AKR1C3: variants seen among roughly 807,000 people sequenced by gnomAD.
The protein encoded by AKR1C3 is 3-alpha hydroxysteroid dehydrogenase, type II.
In AKR1C3, 48 loss-of-function variants were observed where a neutral mutation model predicts 43.6. That is an observed-to-expected ratio of 1.10 (90% CI 0.87 to 1.40). The LOEUF is 1.40. Among genes scored for constraint, AKR1C3 ranks in the 40% most tolerant of loss-of-function variants. The probability of loss-of-function intolerance (pLI) is 0.00; values close to 1 mark genes in which losing one functional copy is unlikely to be tolerated. For missense variants in AKR1C3, 482 were observed against 391.2 expected (o/e 1.23, Z -1.96); for synonymous variants, 162 against 139.6 (o/e 1.16, Z -1.13).
At chr10:5,074,349 A>G (rs1554781608) in intron 1 of AKR1C3, among the ~76,000 whole-genome samples, 1 of 152,212 alleles carries the variant, frequency 6.6e-6, no homozygotes, top group Non-Finnish European at 1.5e-5. Flanking sequence ...ACTCTAAAAG[A>G]AAGTATTTTG....
intron 1 of AKR1C3, among the ~76,000 whole-genome samples, chr10:5,094,803 A>C (rs1839171522): frequency 6.6e-6 from 1 of 152,182 alleles, no homozygotes. Flanking sequence ...TCAGTATTGA[A>C]GAACACTGTT....
At chr10:5,074,927 C>T (rs1041674124) in intron 1 of AKR1C3, among the ~76,000 whole-genome samples, 1 of 152,148 alleles carries the variant, frequency 6.6e-6, no homozygotes, top group Non-Finnish European at 1.5e-5. Context: ...TTTTCCTCTG[C>T]CCCCTGTTGT....
In AKR1C3 at chr10:5,106,982, A is replaced by T. The variant is rs1839519195; in HGVS notation, c.930-479A>T. On this transcript the variant is annotated intron_variant, in intron 8 of 8. Coordinates refer to ENST00000380554, the MANE Select transcript of AKR1C3 (RefSeq NM_003739.6). Reference sequence around the variant, plus strand: ...GCATGAGTAATTCTTATCATCCATTAAAAATGTAATAAGTTGGTGTTTATC... The same window carrying T: ...GCATGAGTAATTCTTATCATCCATTTAAAATGTAATAAGTTGGTGTTTATC... Among the ~76,000 whole-genome samples, 3 of 152,196 alleles carry T rather than the reference A, an allele frequency of 2.0e-5. No homozygotes were observed. In the South Asian group the frequency reaches 6.2e-4, roughly 31 times the overall value.
At chr10:5,072,562 G>C (rs1294418020) in intron 1 of AKR1C3, among the ~76,000 whole-genome samples, 1 of 152,108 alleles carries the variant, frequency 6.6e-6, no homozygotes, top group African/African-American at 2.4e-5. Context: ...TTGTGTTAAG[G>C]GTAAGAGAGA....
chr10:5,099,023 G>C, intron 4 of AKR1C3, 144 bp downstream of exon 4: 1 of 856,112 alleles, frequency 1.2e-6, no homozygotes. Flanking sequence ...GAGATGAAGG[G>C]AAAAACACAA....
chr10:5,062,916 G>C (rs1838411457), intron 1 of AKR1C3, among the ~76,000 whole-genome samples: 1 of 151,108 alleles, frequency 6.6e-6, no homozygotes, highest in Non-Finnish European at 1.5e-5. Context: ...CTCAACACTT[G>C]GTTTTTAGGA....
chr10:5,055,603 A>G (rs1410230812), intron 1 of AKR1C3, among the ~76,000 whole-genome samples: 1 of 152,202 alleles, frequency 6.6e-6, no homozygotes, highest in Non-Finnish European at 1.5e-5. Flanking sequence ...TTCCTTACTT[A>G]GGTACGCCAC....
intron 7 of AKR1C3, among the ~76,000 whole-genome samples, chr10:5,103,295 T>A (rs1839405508): frequency 6.6e-6 from 1 of 151,848 alleles, no homozygotes; most frequent in African/African-American, 2.4e-5. Flanking sequence ...AAATTTCACA[T>A]ATTTATTCAC....
At position 5,094,646 on chromosome 10, in the gene AKR1C3, G is replaced by C. The variant is rs771453326; in HGVS notation, c.84+118G>C. The C allele has an allele frequency of 2.7e-4, 301 of 1,123,636 alleles. 2 individuals are homozygous for C. The highest frequency in any genetic ancestry group is 3.0e-4 in the Non-Finnish European group (227 of 767,696). 69.6% of individuals were successfully genotyped at this position (1,123,636 alleles called of 1,614,324 possible). A position where few individuals can be genotyped will look rare whatever the true frequency, so the allele number is the denominator to read the frequency against. On this transcript the variant is annotated intron_variant, in intron 1 of 8. Coordinates refer to ENST00000380554, the MANE Select transcript of AKR1C3 (RefSeq NM_003739.6). ...TTACTCTGGATGACTCACTGGTCTA[G>C]GTTTCCTAGGCTAGGAGAAAAAAGT...
intron 1 of AKR1C3, among the ~76,000 whole-genome samples, chr10:5,079,598 A>T (rs1263263336): frequency 2.6e-5 from 4 of 151,808 alleles, no homozygotes; most frequent in African/African-American, 9.7e-5. Context: ...ACTTCTCCAT[A>T]GGCCACTGTC....
At position 5,084,406 on chromosome 10, in the gene AKR1C3, T is replaced by C. The variant is rs547495379; in HGVS notation, c.85-12004T>C. Among the ~76,000 whole-genome samples, 29 of 151,648 alleles carry C rather than the reference T, an allele frequency of 1.9e-4. 1 individual carries two copies. Among genetic ancestry groups the C allele is most frequent in the Admixed American group, 4.6e-4 (7 of 15,218 alleles). ...AGTTGTAGATATGCGGCATTATTTC[T>C]GAGGGCTCTGTTCTGTTCCATTGGT... On this transcript the variant is annotated intron_variant, in intron 1 of 8. Transcript: ENST00000439082.
In AKR1C3 at chr10:5,102,585, C is replaced by A. The variant is rs527959466; in HGVS notation, c.781C>A (p.Leu261Met). Residue 261 changes from leucine to methionine, a missense_variant, in exon 7 of 9, where the codon CTG (leucine) becomes ATG (methionine). Coordinates refer to ENST00000380554, the MANE Select transcript of AKR1C3 (RefSeq NM_003739.6). ...TPALIALRYQ[L>M]QRGVVVLAKS... ...AGCCCTGATTGCCCTGCGCTACCAGCTGCAGCGTGGGGTTGTGGTCCTGGC... is the reference window on the plus strand; with the variant it reads ...AGCCCTGATTGCCCTGCGCTACCAGATGCAGCGTGGGGTTGTGGTCCTGGC... 6.5e-7 allele frequency: 1 copy of A among 1,550,204 alleles called. No individual in the cohort carries two copies. The highest frequency in any genetic ancestry group is 8.7e-7 in the Non-Finnish European group (1 of 1,145,638).
chr10:5,096,565 C>T lies in AKR1C3; in HGVS notation c.240C>T (p.Phe80=). 6 of 1,613,434 alleles carry T rather than the reference C, an allele frequency of 3.7e-6. No homozygotes were observed. The highest frequency in any genetic ancestry group is 5.1e-6 in the Non-Finnish European group (6 of 1,179,554). The change falls in exon 2 of 9, where the codon TTC becomes TTT. Residue 80 remains phenylalanine, a synonymous_variant. Transcript: ENST00000380554. ...GCAGTGTGAAGAGAGAAGACATATT[C>T]TACACTTCAAAGGTACTGTGTCTAT... ...ADGSVKREDI[F]YTSKLWSTFH...
At chr10:5,077,666 T>C in intron 1 of AKR1C3, 1 of 1,088,864 alleles carries the variant, frequency 9.2e-7, no homozygotes, top group African/African-American at 1.6e-5. Flanking sequence ...CTTAGTAAAA[T>C]GGCAGGATGG....
chr10:5,100,574 AAATTCAAAATT>A (rs1244650887), intron 5 of AKR1C3, among the ~76,000 whole-genome samples: 1 of 152,214 alleles, frequency 6.6e-6, no homozygotes, highest in Non-Finnish European at 1.5e-5. Flanking sequence ...TGTCACAAAA[AAATTCAAAATT>A]AAAGTCACTC....
At chr10:5,095,801 C>T (rs1839192430) in intron 1 of AKR1C3, among the ~76,000 whole-genome samples, 1 of 152,038 alleles carries the variant, frequency 6.6e-6, no homozygotes, top group South Asian at 2.1e-4. Context: ...GAGTATACAT[C>T]TTTACCCCTA....
chr10:5,090,330 G>C (rs193233063), upstream of AKR1C3, among the ~76,000 whole-genome samples: 1 of 152,208 alleles, frequency 6.6e-6, no homozygotes, highest in South Asian at 2.1e-4. Context: ...CTCTGTGGGG[G>C]TTAGGAAACT....
At chr10:5,107,160 G>T (rs1839526257) in intron 8 of AKR1C3, among the ~76,000 whole-genome samples, 1 of 152,120 alleles carries the variant, frequency 6.6e-6, no homozygotes. Flanking sequence ...AATAAGTAAA[G>T]TAACAAAAGA....
At chr10:5,067,289 A>C (rs1475712323) in intron 1 of AKR1C3, among the ~76,000 whole-genome samples, 1 of 152,190 alleles carries the variant, frequency 6.6e-6, no homozygotes, top group Non-Finnish European at 1.5e-5. Context: ...TGACAGTAGA[A>C]GTGTTAATCT....
Sources: allele counts gnomAD v4.1 joint callset (sites outside exome capture counted in the v4.1 genomes callset), GRCh38; gene constraint gnomAD v4.1.1; transcripts MANE v1.5; gene names NCBI Gene and HGNC (gene_info 2026-07-23, HGNC 2026-07-21).